Variants in GNL2 observed in about 807,000 individuals in gnomAD.
GNL2 encodes the protein G protein nucleolar 2, also known as nucleolar GTP-binding protein 2.
In GNL2, 51 loss-of-function variants were observed where a neutral mutation model predicts 92.3. The ratio of observed to expected loss-of-function variants is 0.55; its 90% CI spans 0.44 to 0.70. The LOEUF (loss-of-function observed/expected upper bound fraction) is 0.70, where lower values mean the gene tolerates loss of function less well. Among genes scored for constraint, GNL2 ranks in the 30% least tolerant of loss-of-function variants. GNL2 has a pLI of 0.00. For missense variants in GNL2, 844 were observed against 895.6 expected (o/e 0.94, Z 0.74); for synonymous variants, 283 against 300.6 (o/e 0.94, Z 0.61).
intron 8 of GNL2, 108 bp from the exon 9 acceptor site, chr1:37,576,664 A>T: frequency 9.6e-7 from 1 of 1,045,426 alleles, no homozygotes; most frequent in South Asian, 1.6e-5. Context: ...AAAACTGTTG[A>T]TACAACTTGA....
At chr1:37,567,571 G>A (rs764949059) in intron 15 of GNL2, 102 bp downstream of exon 15, 5 of 827,104 alleles carry the variant, frequency 6.0e-6, no homozygotes, top group Non-Finnish European at 8.3e-6. Flanking sequence ...ACGAGGACTG[G>A]GGTTCTTGGG....
intron 8 of GNL2, among the ~76,000 whole-genome samples, chr1:37,578,789 AGCTCAAGCGATCT>A (rs1354405505): frequency 6.6e-5 from 10 of 152,120 alleles, no homozygotes; most frequent in Non-Finnish European, 1.5e-5. Context: ...AGAACTCCTG[AGCTCAAGCGATCT>A]GCCTGCCTCA....
chr1:37,587,461 A>C lies in GNL2; in HGVS notation c.419T>G (p.Phe140Cys). 2 of 1,613,094 alleles carry C rather than the reference A, an allele frequency of 1.2e-6. No homozygotes were observed. The highest frequency in any genetic ancestry group is 1.7e-6 in the Non-Finnish European group (2 of 1,179,312). ...TGACTTAGGGCCAAATGTAGTTTCA[A>C]AACTTTCAGTATCAAGAATGTGCAC... ...LKVHILDTES[F>C]ETTFGPKSQR... Residue 140 changes from phenylalanine (F) to cysteine (C), a missense_variant, in exon 5 of 16, where the codon TTT (phenylalanine) becomes TGT (cysteine). Coordinates refer to ENST00000373062, the MANE Select transcript of GNL2 (RefSeq NM_013285.3).
chr1:37,588,780 C>T (rs1379744602), intron 4 of GNL2, among the ~76,000 whole-genome samples: 2 of 152,170 alleles, frequency 1.3e-5, no homozygotes, highest in African/African-American at 4.8e-5. Context: ...CGTATCTGAT[C>T]TAACTCCACT....
chr1:37,591,221 G>C (rs1410055116), intron 3 of GNL2, among the ~76,000 whole-genome samples: 2 of 152,184 alleles, frequency 1.3e-5, no homozygotes, highest in Non-Finnish European at 2.9e-5. Context: ...AGTATAGACA[G>C]AGAATCTTGA....
intron 6 of GNL2, among the ~76,000 whole-genome samples, 198 bp downstream of exon 6, chr1:37,583,669 C>T (rs867795185): frequency 6.6e-6 from 1 of 152,182 alleles, no homozygotes; most frequent in South Asian, 2.1e-4. Context: ...TACTCTTATA[C>T]AAGTACTTTA....
chr1:37,580,452 G>A (rs1359434374), intron 8 of GNL2, among the ~76,000 whole-genome samples: 3 of 152,322 alleles, frequency 2.0e-5, no homozygotes, highest in South Asian at 2.1e-4. Context: ...TTTTCAGAAC[G>A]CAAGGCGTAT....
chr1:37,593,676 G>T, intron 2 of GNL2, 86 bp downstream of exon 2: 1 of 844,034 alleles, frequency 1.2e-6, no homozygotes, highest in Non-Finnish European at 2.0e-6. Context: ...GGAAGTGGGG[G>T]TGAGAACAGC....
chr1:37,571,318 T>C (rs1450356072), intron 12 of GNL2, among the ~76,000 whole-genome samples: 1 of 152,246 alleles, frequency 6.6e-6, no homozygotes, highest in Non-Finnish European at 1.5e-5. Context: ...ATAGATAGGA[T>C]TTCTGACATT....
At chr1:37,572,020 T>A (rs1180769145) in intron 12 of GNL2, among the ~76,000 whole-genome samples, 1 of 152,116 alleles carries the variant, frequency 6.6e-6, no homozygotes, top group Non-Finnish European at 1.5e-5. Context: ...CTGCTCTGGA[T>A]GTGCTGTTCC....
Position 37,568,337 on chromosome 1 carries a change from T to G in GNL2, c.1889A>C (p.Glu630Ala). 6.2e-7 allele frequency: 1 copy of G among 1,608,664 alleles called. No individual in the cohort carries two copies. Among genetic ancestry groups the G allele is most frequent in the Non-Finnish European group, 8.5e-7 (1 of 1,175,010 alleles). Residue 630 changes from glutamate (E) to alanine (A), a missense_variant, in exon 14 of 16, where the codon GAA becomes GCA. Coordinates refer to ENST00000373062, the MANE Select transcript of GNL2 (RefSeq NM_013285.3). ...SAVRISKGLS[E>A]KIFAKPEEQR... ...TTCTTCAGGTTTTGCAAATATCTTT[T>G]CACTCAGTCCCTTGGATATTCTGAA...
Position 37,574,787 on chromosome 1 carries a change from T to C in GNL2, c.1180A>G (p.Ile394Val). Reference sequence around the variant, plus strand: ...TTTGCTCGTTCAAGTACAGCACCAATGTGGTCTTCAGGACTCTTAATTTTT... The same window carrying C: ...TTTGCTCGTTCAAGTACAGCACCAACGTGGTCTTCAGGACTCTTAATTTTT... ...VEKIKSPEDHIGAVLERAKPE... is the reference protein window; with the variant it reads ...VEKIKSPEDHVGAVLERAKPE... The change falls in exon 11 of 16, where the codon ATT becomes GTT. Residue 394 changes from isoleucine to valine, a missense_variant. By Grantham distance (29) the Ile-to-Val change is conservative. Transcript: ENST00000373062. 8.1e-6 allele frequency: 13 copies of C among 1,613,530 alleles called. No individual in the cohort carries two copies. The highest frequency in any genetic ancestry group is 1.1e-5 in the Non-Finnish European group (13 of 1,179,406).
rs764120965 is a variant in GNL2 at position 37,566,895 on chromosome 1, C to T, written c.2156G>A (p.Gly719Glu). 3 of 1,614,122 alleles carry T rather than the reference C, an allele frequency of 1.9e-6. No individual in the cohort carries two copies. The highest frequency in any genetic ancestry group is 2.7e-5 in the African/African-American group (2 of 75,036). Reference sequence around the variant, plus strand: ...GAATTTTTTGCGTTTGTGTTTCTGTCCCTCTGAGTCATTGGTCTTCTTTTT... The same window carrying T: ...GAATTTTTTGCGTTTGTGTTTCTGTTCCTCTGAGTCATTGGTCTTCTTTTT... ...RNKKKTNDSE[G>E]QKHKRKKFRQ... Residue 719 changes from glycine (G) to glutamate (E), a missense_variant, in exon 16 of 16, where the codon GGA (glycine) becomes GAA (glutamate). Physicochemically the swap from Gly to Glu is moderately conservative, Grantham distance 98. Transcript: ENST00000373062.
Position 37,569,481 on chromosome 1 carries a change from G to GATC in GNL2, c.1417-182_1417-180dup, listed in dbSNP as rs150493712. ...TAAACCAATGTACATTAAGCCCAGA[G>GATC]ATCAGTACTAGGATCAAAGGAATAC... On this transcript the variant is annotated intron_variant, in intron 12 of 15. Transcript: ENST00000373062. 3,888 of 589,948 alleles carry GATC rather than the reference G, an allele frequency of 6.6e-3. 23 individuals are homozygous for GATC. Among genetic ancestry groups the GATC allele is most frequent in the Middle Eastern group, 0.017 (38 of 2,220 alleles). 36.5% of individuals were successfully genotyped at this position (589,948 alleles called of 1,614,324 possible).
chr1:37,585,040 T>C (rs1171376209), intron 5 of GNL2, among the ~76,000 whole-genome samples: 1 of 145,068 alleles, frequency 6.9e-6, no homozygotes, highest in Non-Finnish European at 1.5e-5. Flanking sequence ...CGAGATCACA[T>C]CAAATGGTTA....
chr1:37,569,348 A>G (rs1250352316), intron 12 of GNL2, 46 bp from the exon 13 acceptor site: 1 of 1,324,954 alleles, frequency 7.5e-7, no homozygotes, highest in Non-Finnish European at 1.1e-6. Context: ...TCAGAAAATG[A>G]AAAATGGAAT....
intron 2 of GNL2, among the ~76,000 whole-genome samples, chr1:37,593,064 T>C (rs996805399): frequency 6.6e-5 from 10 of 152,188 alleles, no homozygotes; most frequent in Non-Finnish European, 1.0e-4. Flanking sequence ...AAAAATCTGG[T>C]TACTGTTTAC....
chr1:37,583,567 G>A (rs2148138262), intron 6 of GNL2, among the ~76,000 whole-genome samples: 2 of 152,316 alleles, frequency 1.3e-5, no homozygotes, highest in Admixed American at 1.3e-4. Context: ...AATGTTGCAT[G>A]TGACTTTAAC....
At chr1:37,595,480 C>G (rs1369591316) in intron 1 of GNL2, among the ~76,000 whole-genome samples, 5 of 152,182 alleles carry the variant, frequency 3.3e-5, no homozygotes, top group Non-Finnish European at 7.4e-5. Flanking sequence ...TGGAGAGGAC[C>G]CAAGGCTGTC....
Sources: allele counts gnomAD v4.1 joint callset (sites outside exome capture counted in the v4.1 genomes callset), GRCh38; gene constraint gnomAD v4.1.1; transcripts MANE v1.5; gene names NCBI Gene and HGNC (gene_info 2026-07-23, HGNC 2026-07-21).